Variants in TSHZ1 observed in about 807,000 individuals in gnomAD.
TSHZ1 encodes the protein teashirt homolog 1.
Under a neutral mutation model 67.1 loss-of-function variants are expected in TSHZ1, and 12 were observed. That is an observed-to-expected ratio of 0.18 (90% CI 0.11 to 0.29). The LOEUF is 0.29. Among genes scored for constraint, TSHZ1 ranks in the 10% least tolerant of loss-of-function variants. The pLI, the probability that TSHZ1 is intolerant of heterozygous loss-of-function variation, is 1.00. For missense variants in TSHZ1, 1,305 were observed against 1,413.9 expected, an observed-to-expected ratio of 0.92 and a Z score of 1.23; for synonymous variants, 632 against 622.4, an observed-to-expected ratio of 1.02 and a Z score of -0.23.
rs954245432 is a variant in TSHZ1, at chr18:75,274,340, G to A, written c.41-11108G>A. 2.0e-5 allele frequency among the ~76,000 whole-genome samples: 3 copies of A among 152,288 alleles called. 1 individual carries two copies. In the East Asian group the frequency reaches 5.8e-4, roughly 29 times the overall value. On this transcript the variant is annotated intron_variant, in intron 1 of 1. Coordinates refer to ENST00000580243, the MANE Select transcript of TSHZ1 (RefSeq NM_001308210.2). The stretch of plus-strand genomic sequence containing the variant: ...CTCATTCATCAGATTTTCATGAGGT[G>A]GAGGTGGGGTGATGGTGGGGGGCTG...
chr18:75,217,654 G>A (rs866117040), intron 1 of TSHZ1, among the ~76,000 whole-genome samples: 6 of 152,110 alleles, frequency 3.9e-5, no homozygotes, highest in African/African-American at 1.2e-4. Flanking sequence ...TTGCTAGACC[G>A]CAACTTTAAT....
chr18:75,235,883 C>G (rs898871206), intron 1 of TSHZ1, among the ~76,000 whole-genome samples: 3 of 152,202 alleles, frequency 2.0e-5, no homozygotes, highest in African/African-American at 7.2e-5. Flanking sequence ...TTCCTGCTCT[C>G]CAGCCAGCTC....
At chr18:75,252,848 A>G (rs1248517224) in intron 1 of TSHZ1, among the ~76,000 whole-genome samples, 1 of 152,152 alleles carries the variant, frequency 6.6e-6, no homozygotes, top group Non-Finnish European at 1.5e-5. Flanking sequence ...TCTATAAAAT[A>G]CAATTTAAAT....
At chr18:75,212,538 G>C (rs912554608) in intron 1 of TSHZ1, among the ~76,000 whole-genome samples, 2 of 152,132 alleles carry the variant, frequency 1.3e-5, no homozygotes, top group African/African-American at 4.8e-5. Context: ...GGTTTTCCTT[G>C]TTTTCTGTTT....
At chr18:75,263,178 A>T (rs566521794) in intron 1 of TSHZ1, among the ~76,000 whole-genome samples, 11 of 152,214 alleles carry the variant, frequency 7.2e-5, no homozygotes, top group Admixed American at 3.3e-4. Flanking sequence ...ATCTTTTTTT[A>T]AAAAAATTCA....
At position 75,288,223 on chromosome 18, in the gene TSHZ1, C is replaced by T; in HGVS notation, c.2816C>T (p.Thr939Ile). The change falls in exon 2 of 2, where the codon ACC becomes ATC. Residue 939 changes from threonine (T) to isoleucine (I), a missense_variant. Transcript: ENST00000580243. This position sits in a 1 kb window ranked among gnomAD's most constrained non-coding sequence, Gnocchi z 4.9. ...ISKFTGLSMT[T>I]ISHWLANVKY... The stretch of plus-strand genomic sequence containing the variant: ...AAGTTTACTGGGCTCTCCATGACCA[C>T]CATCAGCCACTGGCTGGCCAATGTG... 6.2e-7 allele frequency: 1 copy of T among 1,614,212 alleles called. No homozygotes were observed. Among genetic ancestry groups the T allele is most frequent in the African/African-American group, 1.3e-5 (1 of 75,060 alleles).
chr18:75,274,249 G>A (rs1405860125), intron 1 of TSHZ1, among the ~76,000 whole-genome samples: 3 of 152,100 alleles, frequency 2.0e-5, no homozygotes, highest in African/African-American at 7.2e-5. Flanking sequence ...GGGGAAAAAT[G>A]TCATTTATTT....
At chr18:75,229,267 G>A (rs1473935247) in intron 1 of TSHZ1, among the ~76,000 whole-genome samples, 1 of 152,224 alleles carries the variant, frequency 6.6e-6, no homozygotes, top group Non-Finnish European at 1.5e-5. Context: ...AGCCCTCTTT[G>A]GCTTTTTAAA....
chr18:75,232,346 A>G (rs1385298997), intron 1 of TSHZ1, among the ~76,000 whole-genome samples: 19 of 152,188 alleles, frequency 1.2e-4, no homozygotes, highest in Admixed American at 1.2e-3. Context: ...TTAGGGGACT[A>G]TGTGTTGTAT....
chr18:75,237,816 A>ATTTG (rs1416077928), intron 1 of TSHZ1, among the ~76,000 whole-genome samples: 2 of 151,042 alleles, frequency 1.3e-5, no homozygotes, highest in African/African-American at 4.9e-5. Context: ...TTATTTATTT[A>ATTTG]TTTATTTATT....
chr18:75,219,807 T>C (rs2022822280), intron 1 of TSHZ1, among the ~76,000 whole-genome samples: 1 of 152,266 alleles, frequency 6.6e-6, no homozygotes, highest in Non-Finnish European at 1.5e-5. Flanking sequence ...ACGAGTTGTA[T>C]ATGTGTGTAA....
intron 1 of TSHZ1, among the ~76,000 whole-genome samples, chr18:75,225,158 T>C (rs960551): frequency 0.1 from 15,713 of 152,190 alleles, 1,584 homozygotes; most frequent in African/African-American, 0.26. Context: ...ACGTGGGACG[T>C]GGAAGCTGCA....
Position 75,287,303 on chromosome 18 carries a change from C to T in TSHZ1, c.1896C>T (p.His632=), listed in dbSNP as rs1198740700. The change falls in exon 2 of 2, where the codon CAC becomes CAT. Residue 632 remains histidine (H), a synonymous_variant. Transcript: ENST00000580243. This position sits in a 1 kb window ranked among gnomAD's most constrained non-coding sequence, Gnocchi z 5.0. The part of the protein sequence containing the change: ...HSPGSLTPPP[H]KSNVSAMEEL... ...CAGGGAGCCTCACGCCCCCACCGCA[C>T]AAGAGCAACGTGTCTGCCATGGAGG... is the stretch of plus-strand genomic sequence containing the variant. 1 of 1,614,016 alleles carries T rather than the reference C, an allele frequency of 6.2e-7. No homozygotes were observed. Among genetic ancestry groups the T allele is most frequent in the Non-Finnish European group, 8.5e-7 (1 of 1,180,034 alleles).
chr18:75,232,340 G>C (rs933792571), intron 1 of TSHZ1, among the ~76,000 whole-genome samples: 1 of 152,130 alleles, frequency 6.6e-6, no homozygotes, highest in Non-Finnish European at 1.5e-5. Flanking sequence ...CAAATTTTAG[G>C]GGACTATGTG....
At chr18:75,226,981 T>G (rs953966974) in intron 1 of TSHZ1, among the ~76,000 whole-genome samples, 27 of 152,176 alleles carry the variant, frequency 1.8e-4, no homozygotes, top group African/African-American at 6.5e-4. Flanking sequence ...AAAGGAGTGA[T>G]TGTTCCAAGC....
Position 75,288,124 on chromosome 18 carries a change from C to G in TSHZ1, c.2717C>G (p.Ser906Trp). ...HLLILQAQFA[S>W]SLRETTEGKY... Reference sequence around the variant, plus strand: ...CTCATCCTGCAGGCCCAGTTCGCCTCGAGCTTGCGGGAGACCACAGAGGGC... The same window carrying G: ...CTCATCCTGCAGGCCCAGTTCGCCTGGAGCTTGCGGGAGACCACAGAGGGC... Residue 906 changes from serine (S) to tryptophan (W), a missense_variant, in exon 2 of 2, where the codon TCG becomes TGG. Ser to Trp is a radical substitution (Grantham distance 177). Coordinates refer to ENST00000580243, the MANE Select transcript of TSHZ1 (RefSeq NM_001308210.2). This position sits in a 1 kb window ranked among gnomAD's most constrained non-coding sequence, Gnocchi z 4.9. 1 of 1,613,862 alleles carries G rather than the reference C, an allele frequency of 6.2e-7. No individual in the cohort carries two copies. Among genetic ancestry groups the G allele is most frequent in the Non-Finnish European group, 8.5e-7 (1 of 1,180,024 alleles).
At chr18:75,230,966 T>A (rs556487603) in intron 1 of TSHZ1, among the ~76,000 whole-genome samples, 2 of 152,182 alleles carry the variant, frequency 1.3e-5, no homozygotes, top group African/African-American at 4.8e-5. Flanking sequence ...ATAAGCCAGT[T>A]AAAAAAAACC....
At chr18:75,238,699 A>G (rs2023114812) in intron 1 of TSHZ1, among the ~76,000 whole-genome samples, 1 of 151,640 alleles carries the variant, frequency 6.6e-6, no homozygotes, top group African/African-American at 2.4e-5. Context: ...GTACAAAATC[A>G]TGAATGCAAA....
chr18:75,251,859 C>T (rs1180259327), intron 1 of TSHZ1, among the ~76,000 whole-genome samples: 6 of 152,314 alleles, frequency 3.9e-5, no homozygotes, highest in South Asian at 4.1e-4. Context: ...GTTAACTCAT[C>T]GCTTTAGCAT....
Sources: allele counts gnomAD v4.1 joint callset (sites outside exome capture counted in the v4.1 genomes callset), GRCh38; gene constraint gnomAD v4.1.1; non-coding constraint Gnocchi (gnomAD v3.1); transcripts MANE v1.5; gene names NCBI Gene and HGNC (gene_info 2026-07-23, HGNC 2026-07-21).